The following ADGRV1 variants were observed in gnomAD, a reference collection of about 807,000 sequenced individuals.
The protein encoded by ADGRV1 is adhesion G protein-coupled receptor V1, also known as G-protein coupled receptor 98.
A neutral mutation model predicts 596.2 loss-of-function variants in ADGRV1; 359 were observed. The ratio of observed to expected loss-of-function variants is 0.60; its 90% confidence interval spans 0.55 to 0.66. The LOEUF (loss-of-function observed/expected upper bound fraction) is 0.66. Among genes scored for constraint, ADGRV1 ranks in the 30% least tolerant of loss-of-function variants. ADGRV1 has a pLI of 0.00. For synonymous variants in ADGRV1, 2,681 were observed against 2,679.2 expected (o/e 1.00, Z -0.02); for missense variants, 7,274 against 7,575.6 (o/e 0.96, Z 1.48).
At chr5:91,146,775 C>T (rs915531714) in intron 87 of ADGRV1, among the ~76,000 whole-genome samples, 3 of 152,112 alleles carry the variant, frequency 2.0e-5, no homozygotes, top group African/African-American at 7.2e-5. Flanking sequence ...CTTTCTAAAA[C>T]AAAATGTACA....
chr5:90,957,635 C>T (rs1221085375), intron 83 of ADGRV1, among the ~76,000 whole-genome samples: 2 of 146,828 alleles, frequency 1.4e-5, no homozygotes, highest in African/African-American at 2.5e-5. Context: ...ATATATTTTA[C>T]ATATATGTAT....
chr5:91,084,416 A>G (rs1363106137), intron 86 of ADGRV1, among the ~76,000 whole-genome samples: 1 of 152,254 alleles, frequency 6.6e-6, no homozygotes, highest in African/African-American at 2.4e-5. Context: ...AAAGTGGGCA[A>G]AGGATATGAA....
chr5:91,061,859 T>G (rs756751834), intron 85 of ADGRV1, among the ~76,000 whole-genome samples: 2 of 152,244 alleles, frequency 1.3e-5, no homozygotes, highest in Non-Finnish European at 2.9e-5. Context: ...CAATGTTGTT[T>G]AAAGAATAGT....
At position 90,972,754 on chromosome 5, in the gene ADGRV1, C is replaced by T. The variant is rs576574087; in HGVS notation, c.17973+7223C>T. Among the ~76,000 whole-genome samples, 32 of 151,880 alleles carry T rather than the reference C, an allele frequency of 2.1e-4. 1 individual carries two copies. In the East Asian group the frequency reaches 4.4e-3, roughly 21 times the overall value. ...AAATGCCCACAAGAGAAAGCAGGAA[C>T]GATCTAAAATTGACACGCTAACATC... On this transcript the variant is annotated intron_variant, in intron 84 of 89. Transcript: ENST00000405460.
intron 89 of ADGRV1, among the ~76,000 whole-genome samples, chr5:91,157,441 TATGTGAAC>T (rs1408705124): frequency 3.3e-5 from 5 of 152,268 alleles, no homozygotes; most frequent in African/African-American, 1.2e-4. Flanking sequence ...ATTTTTTAAA[TATGTGAAC>T]AGGCTTTTTT....
At chr5:90,900,367 G>A (rs1242363832) in intron 83 of ADGRV1, among the ~76,000 whole-genome samples, 1 of 147,088 alleles carries the variant, frequency 6.8e-6, no homozygotes, top group African/African-American at 2.5e-5. Context: ...CTGTGCTTCT[G>A]GTGTGTAACC....
intron 38 of ADGRV1, among the ~76,000 whole-genome samples, chr5:90,708,266 A>T (rs1748869558): frequency 6.6e-6 from 1 of 152,020 alleles, no homozygotes; most frequent in Non-Finnish European, 1.5e-5. Context: ...ATTTTAAAGC[A>T]TTTTCTCTAG....
At chr5:91,049,978 T>C (rs1581899737) in intron 85 of ADGRV1, among the ~76,000 whole-genome samples, 1 of 152,332 alleles carries the variant, frequency 6.6e-6, no homozygotes, top group Middle Eastern at 3.4e-3. Context: ...CTAATGCAAC[T>C]GTTCCTCTGA....
At chr5:90,764,842 G>T (rs1756921270) in intron 59 of ADGRV1, among the ~76,000 whole-genome samples, 1 of 152,124 alleles carries the variant, frequency 6.6e-6, no homozygotes, top group Non-Finnish European at 1.5e-5. Context: ...ATCTCATTTT[G>T]GGTCTGAGGG....
At chr5:90,803,126 A>T (rs1470867909) in intron 71 of ADGRV1, among the ~76,000 whole-genome samples, 1 of 151,958 alleles carries the variant, frequency 6.6e-6, no homozygotes, top group Non-Finnish European at 1.5e-5. Flanking sequence ...TCTAATATTG[A>T]GGTATTTTAT....
chr5:90,637,379 A>G lies in ADGRV1; in HGVS notation c.2017-346A>G, dbSNP rs17542921. Among the ~76,000 whole-genome samples the G allele has an allele frequency of 0.07, 10,683 of 152,232 alleles. 436 individuals carry two copies. Among genetic ancestry groups the G allele is most frequent in the Non-Finnish European group, 0.092 (6,229 of 68,008 alleles). ...TCATTTTATTTTCAGAGAACCTCTA[A>G]TGGAAATATATTCTTTAGCAAGATT... On this transcript the variant is annotated intron_variant, in intron 10 of 89. Coordinates refer to ENST00000405460, the MANE Select transcript of ADGRV1 (RefSeq NM_032119.4).
intron 1 of ADGRV1, among the ~76,000 whole-genome samples, chr5:90,595,502 T>A: frequency 1.3e-5 from 1 of 77,666 alleles, no homozygotes; most frequent in East Asian, 4.5e-4. Flanking sequence ...CACTTCCCAG[T>A]AGGGGCGGCC....
At chr5:90,970,948 A>T (rs1394702666) in intron 84 of ADGRV1, among the ~76,000 whole-genome samples, 6 of 152,184 alleles carry the variant, frequency 3.9e-5, no homozygotes, top group Admixed American at 3.9e-4. Context: ...AAGAAGCTAA[A>T]AACCTTGAAA....
intron 72 of ADGRV1, among the ~76,000 whole-genome samples, chr5:90,805,941 C>T (rs1422920219): frequency 2.6e-5 from 4 of 152,098 alleles, no homozygotes; most frequent in African/African-American, 9.7e-5. Context: ...ATAGCAAGCT[C>T]ATTGCAAATT....
intron 85 of ADGRV1, among the ~76,000 whole-genome samples, chr5:91,013,078 A>G (rs1443300859): frequency 1.3e-5 from 2 of 152,064 alleles, no homozygotes; most frequent in African/African-American, 2.4e-5. Context: ...TTATGGCTAT[A>G]TAGTATTCCA....
chr5:90,842,300 G>A (rs1047933492), intron 78 of ADGRV1, among the ~76,000 whole-genome samples: 3 of 152,010 alleles, frequency 2.0e-5, no homozygotes, highest in African/African-American at 7.3e-5. Flanking sequence ...AGCTCCTATG[G>A]GAAAATGTAA....
chr5:90,694,956 TTA>T (rs1209703596), intron 33 of ADGRV1, among the ~76,000 whole-genome samples: 1 of 152,178 alleles, frequency 6.6e-6, no homozygotes, highest in East Asian at 1.9e-4. Flanking sequence ...TTTTATCCCT[TTA>T]TGTTTGATAG....
chr5:90,963,353 A>G (rs1231591402), intron 83 of ADGRV1, among the ~76,000 whole-genome samples: 1 of 152,142 alleles, frequency 6.6e-6, no homozygotes. Flanking sequence ...TTAATTTCTG[A>G]CCTATAATAA....
intron 21 of ADGRV1, among the ~76,000 whole-genome samples, chr5:90,663,225 C>A (rs891217007): frequency 5.0e-5 from 7 of 140,812 alleles, no homozygotes; most frequent in South Asian, 2.4e-4. Context: ...TACAGTCCCA[C>A]CAACAGTGTA....
Sources: allele counts gnomAD v4.1 joint callset (sites outside exome capture counted in the v4.1 genomes callset), GRCh38; gene constraint gnomAD v4.1.1; transcripts MANE v1.5; gene names NCBI Gene and HGNC (gene_info 2026-07-23, HGNC 2026-07-21).